SINHCAF: variants seen among roughly 807,000 people sequenced by gnomAD.
The protein encoded by SINHCAF is SIN3-HDAC complex-associated factor.
Under a neutral mutation model 25.8 loss-of-function variants are expected in SINHCAF, and 3 were observed. That is an observed-to-expected ratio of 0.12 (90% CI 0.05 to 0.30). The LOEUF is 0.30. Among genes scored for constraint, SINHCAF ranks in the 10% least tolerant of loss-of-function variants. The pLI, the probability that SINHCAF is intolerant of heterozygous loss-of-function variation, is 1.00. For missense variants in SINHCAF, 121 were observed against 262.3 expected, an observed-to-expected ratio of 0.46 and a Z score of 3.72; for synonymous variants, 70 against 85.5, an observed-to-expected ratio of 0.82 and a Z score of 1.00.
At chr12:31,305,567 T>C (rs1474350248) in intron 1 of SINHCAF, among the ~76,000 whole-genome samples, 1 of 152,182 alleles carries the variant, frequency 6.6e-6, no homozygotes. Flanking sequence ...GTTGTGTTTT[T>C]ATTATTCCAT....
At chr12:31,290,534 C>T (rs1938268704) in intron 4 of SINHCAF, among the ~76,000 whole-genome samples, 8 of 152,088 alleles carry the variant, frequency 5.3e-5, no homozygotes. Flanking sequence ...AATATGTTAA[C>T]TTAGCAAACA....
intron 1 of SINHCAF, among the ~76,000 whole-genome samples, chr12:31,301,524 T>C (rs2137100643): frequency 6.6e-6 from 1 of 152,286 alleles, no homozygotes; most frequent in Non-Finnish European, 1.5e-5. Flanking sequence ...TGTGAACCTT[T>C]TAATGGATGA....
chr12:31,315,987 G>A (rs566596884), intron 1 of SINHCAF, among the ~76,000 whole-genome samples: 40 of 152,104 alleles, frequency 2.6e-4, no homozygotes, highest in African/African-American at 8.9e-4. Flanking sequence ...CCAACATGAC[G>A]CAACCCTGTC....
chr12:31,324,763 G>A lies in SINHCAF; in HGVS notation c.-21+1261C>T, dbSNP rs1462763877. 4 of 353,916 alleles carry A rather than the reference G, an allele frequency of 1.1e-5. No individual in the cohort carries two copies. The highest frequency in any genetic ancestry group is 2.3e-5 in the Non-Finnish European group (4 of 177,418). The allele number at this position is 353,916 out of a possible 1,614,324, so 21.9% of individuals were successfully genotyped here. Reference sequence around the variant, plus strand: ...CCCTGGGTAGGGGTCCGGACCCCGCGCCCCGAAGAGTCCGGAGCCTGGCCC... The same window carrying A: ...CCCTGGGTAGGGGTCCGGACCCCGCACCCCGAAGAGTCCGGAGCCTGGCCC... On this transcript the variant is annotated intron_variant, in intron 1 of 5. Transcript: ENST00000337682. The surrounding 1 kb of genome is among the most constrained non-coding windows in gnomAD (Gnocchi z 5.5).
At chr12:31,289,908 T>A (rs1938234681) in intron 4 of SINHCAF, among the ~76,000 whole-genome samples, 2 of 151,718 alleles carry the variant, frequency 1.3e-5, no homozygotes, top group African/African-American at 4.8e-5. Flanking sequence ...CACTGCAGTC[T>A]CAACCTCCTG....
intron 1 of SINHCAF, chr12:31,302,838 A>C: frequency 1.5e-6 from 1 of 663,268 alleles, no homozygotes; most frequent in Non-Finnish European, 1.9e-6. Context: ...TCTATATCTG[A>C]TACACAAGTT....
intron 1 of SINHCAF, chr12:31,305,231 A>G (rs948478396): frequency 1.3e-5 from 2 of 152,144 alleles, no homozygotes; most frequent in Admixed American, 6.5e-5. Flanking sequence ...GGCTGGAGGG[A>G]GTCCTTTATG....
chr12:31,287,797 T>A lies in SINHCAF; in HGVS notation c.356-13A>T. 1 of 1,556,384 alleles carries A rather than the reference T, an allele frequency of 6.4e-7. No homozygotes were observed. Among genetic ancestry groups the A allele is most frequent in the Non-Finnish European group, 8.7e-7 (1 of 1,145,212 alleles). On this transcript the variant is annotated splice_polypyrimidine_tract_variant and intron_variant, in intron 4 of 5. Transcript: ENST00000337682. ...TGAGCATCAGAATCTGCAATAAAGATTAAGAGAAAAAATAAAATTTTCAAT... is the reference window on the plus strand; with the variant it reads ...TGAGCATCAGAATCTGCAATAAAGAATAAGAGAAAAAATAAAATTTTCAAT...
intron 1 of SINHCAF, among the ~76,000 whole-genome samples, chr12:31,321,563 A>T (rs1313064066): frequency 6.6e-6 from 1 of 152,174 alleles, no homozygotes; most frequent in African/African-American, 2.4e-5. Context: ...CTTAATTACA[A>T]CTTATTTAAA....
chr12:31,294,997 T>C (rs910433898), intron 3 of SINHCAF, among the ~76,000 whole-genome samples: 2 of 152,310 alleles, frequency 1.3e-5, no homozygotes, highest in Admixed American at 6.5e-5. Context: ...GAATGCTTAC[T>C]GTGAATCTCC....
intron 2 of SINHCAF, chr12:31,297,038 A>G (rs1938578660): frequency 4.6e-6 from 2 of 432,796 alleles, no homozygotes; most frequent in Non-Finnish European, 9.3e-6. Flanking sequence ...ATAGGAAGAC[A>G]TTGTCTCTTT....
chr12:31,298,240 A>G lies in SINHCAF; in HGVS notation c.-20-16T>C. On this transcript the variant is annotated splice_polypyrimidine_tract_variant and intron_variant, in intron 1 of 5. Transcript: ENST00000337682. ...GGGCAATAGTCTGTAAAGCCAAGGG[A>G]ATTGACATATCTTTGTTGAGGGCTG... The G allele has an allele frequency of 6.2e-7, 1 of 1,612,854 alleles. No homozygotes were observed. Among genetic ancestry groups the G allele is most frequent in the Non-Finnish European group, 8.5e-7 (1 of 1,179,838 alleles).
chr12:31,290,971 G>A (rs573656946), intron 4 of SINHCAF, among the ~76,000 whole-genome samples: 5 of 152,134 alleles, frequency 3.3e-5, no homozygotes, highest in East Asian at 1.9e-4. Flanking sequence ...CACCTGCCTC[G>A]GCCTCCCAAA....
At position 31,326,116 on chromosome 12, in the gene SINHCAF, C is replaced by T. The variant is rs1939967634; in HGVS notation, c.-113G>A. The T allele has an allele frequency of 6.6e-6, 1 of 152,306 alleles. No homozygotes were observed. The highest frequency in any genetic ancestry group is 1.5e-5 in the Non-Finnish European group (1 of 68,086). 9.4% of individuals were successfully genotyped at this position (152,306 alleles called of 1,614,324 possible). On this transcript the variant is annotated 5_prime_UTR_variant, in exon 1 of 6. Transcript: ENST00000337682. ...CCCTCAAGCGCTCCCTCCTCCTCAA[C>T]TGCCTTGTCTAGAAAGATAGTCTCC...
rs1256311646 is a variant in SINHCAF, at chr12:31,325,146, C to T, written c.-21+878G>A. The T allele has an allele frequency of 2.2e-6, 1 of 456,780 alleles. No homozygotes were observed. The highest frequency in any genetic ancestry group is 7.0e-5 in the East Asian group (1 of 14,388). 28.3% of individuals were successfully genotyped at this position (456,780 alleles called of 1,614,324 possible). ...TCTCCAGCCAAGTTGGCTTCCCTGG[C>T]CATCTTACAGCGCGGACGGCCGCCC... On this transcript the variant is annotated intron_variant, in intron 1 of 5. Transcript: ENST00000337682. This position sits in a 1 kb window ranked among gnomAD's most constrained non-coding sequence, Gnocchi z 5.9.
At chr12:31,296,750 G>A (rs1938565026) in intron 2 of SINHCAF, among the ~76,000 whole-genome samples, 2 of 151,792 alleles carry the variant, frequency 1.3e-5, no homozygotes, top group Non-Finnish European at 2.9e-5. Context: ...AGCTACTCAG[G>A]AGAGAGAGGT....
rs115212653 is a variant in SINHCAF at position 31,299,640 on chromosome 12, G to A, written c.-20-1416C>T. On this transcript the variant is annotated intron_variant, in intron 1 of 5. Coordinates refer to ENST00000337682, the MANE Select transcript of SINHCAF (RefSeq NM_001135812.2). ...CAAGAAAATTATTAATATCACTTTC[G>A]TGTCCATAGTTTTAGGAGTTATTAC... Among the ~76,000 whole-genome samples, 677 of 152,224 alleles carry A rather than the reference G, an allele frequency of 4.4e-3. 6 individuals are homozygous for A. The highest frequency in any genetic ancestry group is 0.016 in the African/African-American group (649 of 41,536).
chr12:31,316,886 T>C lies in SINHCAF; in HGVS notation c.-21+9138A>G, dbSNP rs147107095. ...TCAACTATTTTCTTGTCTTTTTAAA[T>C]CTTTATAAGGGTGTTAACTCACATT... is the stretch of plus-strand genomic sequence containing the variant. On this transcript the variant is annotated intron_variant, in intron 1 of 5. Transcript: ENST00000337682. Among the ~76,000 whole-genome samples the C allele has an allele frequency of 3.6e-3, 542 of 152,316 alleles. 10 individuals carry two copies. The highest frequency in any genetic ancestry group is 0.012 in the African/African-American group (506 of 41,566).
intron 1 of SINHCAF, among the ~76,000 whole-genome samples, chr12:31,309,949 G>A (rs1177922888): frequency 1.3e-5 from 2 of 152,094 alleles, no homozygotes; most frequent in African/African-American, 4.8e-5. Context: ...TTACAAGCGT[G>A]AGCCACCGTG....
Sources: allele counts gnomAD v4.1 joint callset (sites outside exome capture counted in the v4.1 genomes callset), GRCh38; gene constraint gnomAD v4.1.1; non-coding constraint Gnocchi (gnomAD v3.1); transcripts MANE v1.5; gene names NCBI Gene and HGNC (gene_info 2026-07-23, HGNC 2026-07-21).